KCNN2: variants seen among roughly 807,000 people sequenced by gnomAD.
KCNN2 encodes the protein potassium calcium-activated channel subfamily N member 2.
A neutral mutation model predicts 55.5 loss-of-function variants in KCNN2; 24 were observed. That is an observed-to-expected ratio of 0.43 (90% CI 0.31 to 0.61). The LOEUF is 0.61. Among genes scored for constraint, KCNN2 ranks in the 20% least tolerant of loss-of-function variants. The probability of loss-of-function intolerance (pLI) is 0.08; values close to 1 mark genes in which losing one functional copy is unlikely to be tolerated. For missense variants in KCNN2, 754 were observed against 853.6 expected (o/e 0.88, Z 1.45); for synonymous variants, 431 against 336.1 (o/e 1.28, Z -3.09).
chr5:114,495,866 T>C, intron 7 of KCNN2, 29 bp from the exon 8 acceptor site: 2 of 1,600,922 alleles, frequency 1.2e-6, no homozygotes, highest in Non-Finnish European at 1.7e-6. Context: ...GCAAGTATAA[T>C]TAACCTTCTT....
At chr5:114,326,204 G>A (rs1158327270) in intron 2 of KCNN2, among the ~76,000 whole-genome samples, 1 of 152,150 alleles carries the variant, frequency 6.6e-6, no homozygotes, top group Admixed American at 6.6e-5. Flanking sequence ...GAATATTTTA[G>A]AGGGATGGAT....
intron 3 of KCNN2, among the ~76,000 whole-genome samples, chr5:114,427,725 A>G (rs774192885): frequency 7.9e-5 from 12 of 152,218 alleles, no homozygotes; most frequent in Non-Finnish European, 1.3e-4. Flanking sequence ...GAAAATAAGT[A>G]TGGAATGCTA....
chr5:114,169,159 C>A (rs1043130807), intron 1 of KCNN2, among the ~76,000 whole-genome samples: 3 of 152,074 alleles, frequency 2.0e-5, no homozygotes, highest in Admixed American at 1.3e-4. Context: ...GTACAGCCTG[C>A]AGAACTGTGA....
At chr5:114,263,618 C>G (rs1755154412) in intron 2 of KCNN2, among the ~76,000 whole-genome samples, 1 of 152,070 alleles carries the variant, frequency 6.6e-6, no homozygotes, top group South Asian at 2.1e-4. Context: ...CTCTCTGTCT[C>G]CCAACAAGGT....
At chr5:114,366,063 A>G (rs922507453) in intron 2 of KCNN2, among the ~76,000 whole-genome samples, 10 of 152,216 alleles carry the variant, frequency 6.6e-5, no homozygotes, top group Admixed American at 1.3e-4. Context: ...GAAAAAATTG[A>G]TGTCATATTA....
At position 114,140,097 on chromosome 5, in the gene KCNN2, T is replaced by C. The variant is rs1421583546; in HGVS notation, c.-270-81383T>C. On this transcript the variant is annotated intron_variant, in intron 1 of 10. Transcript: ENST00000512097. ...TAAGTTTTTTTCATATAGCTTAGTT[T>C]TCTTGTTATTGGAAGTTAATAAAAA... Among the ~76,000 whole-genome samples, 4 of 152,284 alleles carry C rather than the reference T, an allele frequency of 2.6e-5. No individual in the cohort carries two copies. In the East Asian group the frequency reaches 7.7e-4, roughly 29 times the overall value.
chr5:114,270,836 CAG>C (rs1755314843), intron 2 of KCNN2, among the ~76,000 whole-genome samples: 1 of 152,152 alleles, frequency 6.6e-6, no homozygotes, highest in Non-Finnish European at 1.5e-5. Context: ...GGTGTGTCCG[CAG>C]TTTGTTCTTT....
At chr5:114,220,380 GA>G (rs1304596542) in intron 1 of KCNN2, among the ~76,000 whole-genome samples, 2 of 151,736 alleles carry the variant, frequency 1.3e-5, no homozygotes, top group Non-Finnish European at 2.9e-5. Context: ...CAGGAGAGAG[GA>G]AAAAATCTAA....
chr5:114,348,690 T>C (rs1400593171), intron 2 of KCNN2, among the ~76,000 whole-genome samples: 2 of 152,190 alleles, frequency 1.3e-5, no homozygotes, highest in African/African-American at 4.8e-5. Context: ...ACTCTGTGGA[T>C]AGAGACTGAC....
At chr5:114,450,149 TG>T (rs1423499621) in intron 3 of KCNN2, among the ~76,000 whole-genome samples, 1 of 152,220 alleles carries the variant, frequency 6.6e-6, no homozygotes, top group Non-Finnish European at 1.5e-5. Context: ...CTACCCATCA[TG>T]GAAAATCATA....
At chr5:114,056,515 A>C (rs1256569372) in intron 1 of KCNN2, 1 of 398,182 alleles carries the variant, frequency 2.5e-6, no homozygotes, top group African/African-American at 2.1e-5. Flanking sequence ...GGTCGCGACT[A>C]AGGTGACATT....
At chr5:114,380,662 TTCA>T (rs1758091491) in intron 2 of KCNN2, among the ~76,000 whole-genome samples, 1 of 152,200 alleles carries the variant, frequency 6.6e-6, no homozygotes, top group African/African-American at 2.4e-5. Flanking sequence ...CATTATTGTA[TTCA>T]TCATTAATCA....
intron 1 of KCNN2, among the ~76,000 whole-genome samples, chr5:114,154,751 A>G (rs1192112892): frequency 6.6e-6 from 1 of 152,142 alleles, no homozygotes; most frequent in Non-Finnish European, 1.5e-5. Flanking sequence ...TAAACATGGT[A>G]TCTCTAGACC....
At chr5:114,361,952 C>G (rs527292555), upstream of KCNN2, 1 of 153,422 alleles carries the variant, frequency 6.5e-6, no homozygotes, top group Admixed American at 6.5e-5. Flanking sequence ...AACTCAGTCT[C>G]GGTCCCCGCA....
intron 2 of KCNN2, among the ~76,000 whole-genome samples, chr5:114,253,339 A>G (rs1754915267): frequency 6.6e-6 from 1 of 152,154 alleles, no homozygotes; most frequent in South Asian, 2.1e-4. Flanking sequence ...AGAAGTTCAC[A>G]GTGAGACTGG....
chr5:114,321,903 G>A (rs979718061), intron 2 of KCNN2, among the ~76,000 whole-genome samples: 1 of 152,046 alleles, frequency 6.6e-6, no homozygotes, highest in Admixed American at 6.6e-5. Context: ...GCCTGCCTCG[G>A]CCTCCCAAAG....
At chr5:114,433,340 A>T (rs1273591930) in intron 3 of KCNN2, among the ~76,000 whole-genome samples, 1 of 152,002 alleles carries the variant, frequency 6.6e-6, no homozygotes, top group Non-Finnish European at 1.5e-5. Context: ...TTGTGTGGAC[A>T]CTCTGTATCT....
At chr5:114,155,539 A>G (rs1305529783) in intron 1 of KCNN2, among the ~76,000 whole-genome samples, 2 of 152,074 alleles carry the variant, frequency 1.3e-5, no homozygotes, top group Non-Finnish European at 2.9e-5. Context: ...CCACAACCTC[A>G]CCAGCATCTG....
At chr5:114,303,775 A>G (rs1200066552) in intron 2 of KCNN2, among the ~76,000 whole-genome samples, 1 of 152,330 alleles carries the variant, frequency 6.6e-6, no homozygotes, top group Non-Finnish European at 1.5e-5. Context: ...TTAGGGATTG[A>G]TAGGTGGTAG....
Sources: gnomAD v4.1 joint callset for allele counts (sites outside exome capture counted in the v4.1 genomes callset) on GRCh38, gnomAD v4.1.1 for gene constraint, MANE v1.5 for transcripts, NCBI Gene and HGNC (gene_info 2026-07-23, HGNC 2026-07-21) for gene names.